The following FGF14 variants were observed in gnomAD, a reference collection of about 807,000 sequenced individuals.
FGF14 encodes the protein fibroblast growth factor homologous factor 4.
Under a neutral mutation model 25.5 loss-of-function variants are expected in FGF14, and 5 were observed. The ratio of observed to expected loss-of-function variants is 0.20; its 90% CI spans 0.10 to 0.41. FGF14 has a LOEUF of 0.41. Among genes scored for constraint, FGF14 ranks in the 10% least tolerant of loss-of-function variants. The pLI, the probability that FGF14 is intolerant of heterozygous loss-of-function variation, is 1.00. For missense variants in FGF14, 222 were observed against 320.1 expected (o/e 0.69, Z 2.34); for synonymous variants, 138 against 118.3 (o/e 1.17, Z -1.08).
chr13:102,289,898 C>CCT lies in FGF14; in HGVS notation c.208+111571_208+111572dup, dbSNP rs139307444. ...GTCTCTCTCTCTCTCTCTTTCCCTCCCTCTCTCTCTCTCTGCCTTTCTCTC... is the reference window on the plus strand; with the variant it reads ...GTCTCTCTCTCTCTCTCTTTCCCTCCCTCTCTCTCTCTCTCTGCCTTTCTCTC... On this transcript the variant is annotated intron_variant, in intron 1 of 4. Coordinates refer to the FGF14 transcript ENST00000376131. 2.2e-3 allele frequency among the ~76,000 whole-genome samples: 330 copies of CCT among 150,150 alleles called. 2 individuals are homozygous for CCT. The highest frequency in any genetic ancestry group is 7.1e-3 in the African/African-American group (292 of 41,142).
intron 1 of FGF14, among the ~76,000 whole-genome samples, chr13:101,953,450 T>A (rs1048270836): frequency 1.3e-5 from 2 of 151,912 alleles, no homozygotes; most frequent in African/African-American, 4.8e-5. Flanking sequence ...GCTTCTGGAC[T>A]CGAACCCAAT....
chr13:101,957,197 G>T (rs2036567169), intron 1 of FGF14, among the ~76,000 whole-genome samples: 1 of 152,118 alleles, frequency 6.6e-6, no homozygotes, highest in Non-Finnish European at 1.5e-5. Context: ...ACAGATATAT[G>T]AATCAACATC....
chr13:102,201,643 T>C (rs4771422), intron 1 of FGF14, among the ~76,000 whole-genome samples: 39,800 of 152,058 alleles, frequency 0.26, 5,462 homozygotes, highest in East Asian at 0.33. Context: ...AACTGAATGA[T>C]GAGCTACTGA....
intron 1 of FGF14, among the ~76,000 whole-genome samples, chr13:102,000,132 G>A (rs1324824463): frequency 2.0e-5 from 3 of 152,014 alleles, no homozygotes; most frequent in East Asian, 3.9e-4. Context: ...TGGCTAACAC[G>A]GTAAAACCCC....
intron 3 of FGF14, among the ~76,000 whole-genome samples, chr13:101,814,768 T>C (rs562174923): frequency 6.6e-6 from 1 of 152,334 alleles, no homozygotes; most frequent in East Asian, 1.9e-4. Flanking sequence ...TCTACAGATA[T>C]GCCACATTTT....
chr13:101,989,196 C>G (rs1261659357), intron 1 of FGF14, among the ~76,000 whole-genome samples: 2 of 152,002 alleles, frequency 1.3e-5, no homozygotes, highest in African/African-American at 4.8e-5. Flanking sequence ...AATCAAGTAA[C>G]TTACTGTCCT....
intron 1 of FGF14, among the ~76,000 whole-genome samples, chr13:102,211,200 C>A (rs935043685): frequency 2.0e-5 from 3 of 152,060 alleles, no homozygotes; most frequent in African/African-American, 7.2e-5. Context: ...GCCAAAATAA[C>A]TTTACAGGAA....
At chr13:102,073,343 C>T (rs1022347283) in intron 1 of FGF14, among the ~76,000 whole-genome samples, 6 of 152,142 alleles carry the variant, frequency 3.9e-5, no homozygotes, top group African/African-American at 1.4e-4. Context: ...TCTGTCCCTC[C>T]CCATGCACGC....
At chr13:102,042,178 A>G (rs1278121919) in intron 1 of FGF14, among the ~76,000 whole-genome samples, 2 of 152,204 alleles carry the variant, frequency 1.3e-5, no homozygotes, top group African/African-American at 4.8e-5. Context: ...ATGTGGCATA[A>G]AACATGGTAA....
chr13:101,960,750 T>G (rs936624196), intron 1 of FGF14, among the ~76,000 whole-genome samples: 9 of 152,176 alleles, frequency 5.9e-5, no homozygotes, highest in African/African-American at 2.2e-4. Context: ...TGGTTCTAGG[T>G]CTTTGGGGAA....
rs1317152543 is a variant in FGF14 at position 101,712,689 on chromosome 13, T to C, written c.*10142A>G. On this transcript the variant is annotated 3_prime_UTR_variant, in exon 5 of 5. Transcript: ENST00000376143. ...GTGCCTTTCGAGGAAACTTCTCTGA[T>C]AGTCAATGAAATACTCCATGTGGTC... 5 of 152,202 alleles carry C rather than the reference T, an allele frequency of 3.3e-5. No individual in the cohort carries two copies. The highest frequency in any genetic ancestry group is 1.2e-4 in the African/African-American group (5 of 41,442). 9.4% of individuals were successfully genotyped at this position (152,202 alleles called of 1,614,324 possible). A position where few individuals can be genotyped will look rare whatever the true frequency, so the allele number is the denominator to read the frequency against.
intron 1 of FGF14, among the ~76,000 whole-genome samples, chr13:102,204,568 A>G (rs1010466009): frequency 6.6e-5 from 10 of 151,748 alleles, no homozygotes; most frequent in African/African-American, 2.2e-4. Context: ...ATTTTTTGAG[A>G]CAGAGTCTTC....
chr13:102,349,671 G>A (rs1383483082), intron 1 of FGF14, among the ~76,000 whole-genome samples: 1 of 152,176 alleles, frequency 6.6e-6, no homozygotes, highest in Non-Finnish European at 1.5e-5. Context: ...AAGTCAGAAG[G>A]CTGAGAAGTG....
chr13:102,061,587 A>G (rs941393737), intron 1 of FGF14, among the ~76,000 whole-genome samples: 1 of 152,246 alleles, frequency 6.6e-6, no homozygotes, highest in African/African-American at 2.4e-5. Flanking sequence ...CACTGGTAAC[A>G]ATGCTTATCA....
At chr13:101,943,394 G>T (rs892348887) in intron 1 of FGF14, among the ~76,000 whole-genome samples, 8 of 152,130 alleles carry the variant, frequency 5.3e-5, no homozygotes, top group African/African-American at 1.9e-4. Context: ...CACCCCCAGG[G>T]GTAATTTGGC....
At position 101,754,187 on chromosome 13, in the gene FGF14, G is replaced by C. The variant is rs373633381; in HGVS notation, c.409-27377C>G. Among the ~76,000 whole-genome samples the C allele has an allele frequency of 8.5e-4, 130 of 152,182 alleles. 2 individuals are homozygous for C. Among genetic ancestry groups the C allele is most frequent in the African/African-American group, 3.0e-3 (125 of 41,518 alleles). ...GCTCCCTGAAGCTCCTCAGCTGCTG[G>C]GGCTCCTAGGGGCTGATCCAGGGTG... On this transcript the variant is annotated intron_variant, in intron 3 of 4. Transcript: ENST00000376143.
intron 1 of FGF14, among the ~76,000 whole-genome samples, chr13:102,112,285 G>A (rs759346057): frequency 6.6e-6 from 1 of 152,164 alleles, no homozygotes; most frequent in Non-Finnish European, 1.5e-5. Flanking sequence ...ACTGCACCGT[G>A]CTACCGCAGC....
chr13:102,161,688 G>C (rs1594222261), intron 1 of FGF14, among the ~76,000 whole-genome samples: 1 of 83,454 alleles, frequency 1.2e-5, no homozygotes, highest in Non-Finnish European at 2.8e-5. Flanking sequence ...AGAAGAAGAA[G>C]AAGAAGAAGA....
chr13:102,022,985 AC>A, intron 1 of FGF14, among the ~76,000 whole-genome samples: 1 of 81,048 alleles, frequency 1.2e-5, no homozygotes, highest in Admixed American at 1.7e-4. Context: ...AAGGGCCTCT[AC>A]TCTAAAGAAT....
Sources: allele counts gnomAD v4.1 joint callset (sites outside exome capture counted in the v4.1 genomes callset), GRCh38; gene constraint gnomAD v4.1.1; transcripts MANE v1.5; gene names NCBI Gene and HGNC (gene_info 2026-07-23, HGNC 2026-07-21).